The following PDE4D variants were observed in gnomAD, a reference collection of about 807,000 sequenced individuals.
PDE4D encodes 3',5'-cyclic-AMP phosphodiesterase 4D.
PDE4D carries 24 observed loss-of-function variants against 87.4 expected under a neutral mutation model. The observed-to-expected ratio is 0.27, with a 90% confidence interval of 0.20 to 0.39. PDE4D has a LOEUF of 0.39. Among genes scored for constraint, PDE4D ranks in the 10% least tolerant of loss-of-function variants. The pLI, the probability that PDE4D is intolerant of heterozygous loss-of-function variation, is 1.00. For synonymous variants in PDE4D, 384 were observed against 383.2 expected, an observed-to-expected ratio of 1.00 and a Z score of -0.02; for missense variants, 714 against 1,041.0, an observed-to-expected ratio of 0.69 and a Z score of 4.32.
intron 1 of PDE4D, among the ~76,000 whole-genome samples, chr5:59,697,117 G>A (rs1362127723): frequency 6.6e-6 from 1 of 152,128 alleles, no homozygotes. Context: ...TTCCTGATGG[G>A]GAGTAATTTG....
chr5:59,346,599 G>A (rs1163377523), intron 1 of PDE4D, among the ~76,000 whole-genome samples: 3 of 151,978 alleles, frequency 2.0e-5, no homozygotes, highest in Non-Finnish European at 2.9e-5. Context: ...CAGTTTACAC[G>A]GATTTGCTTT....
At chr5:59,717,320 T>G (rs1232178394) in intron 1 of PDE4D, among the ~76,000 whole-genome samples, 7 of 152,156 alleles carry the variant, frequency 4.6e-5, no homozygotes, top group African/African-American at 1.7e-4. Flanking sequence ...ATGCAAATAT[T>G]TCCCTTGCTG....
chr5:59,759,237 T>G (rs1761672836), intron 1 of PDE4D, among the ~76,000 whole-genome samples: 1 of 152,122 alleles, frequency 6.6e-6, no homozygotes, highest in Non-Finnish European at 1.5e-5. Flanking sequence ...AAAGAATATT[T>G]TTTAAAAAAT....
chr5:60,332,917 C>CCTG (rs1757430209), intron 1 of PDE4D, among the ~76,000 whole-genome samples: 1 of 152,186 alleles, frequency 6.6e-6, no homozygotes, highest in Non-Finnish European at 1.5e-5. Flanking sequence ...AATTATAATT[C>CCTG]ATGCTCTGTG....
intron 3 of PDE4D, among the ~76,000 whole-genome samples, chr5:59,931,448 G>A (rs1755907233): frequency 6.6e-6 from 1 of 152,092 alleles, no homozygotes; most frequent in African/African-American, 2.4e-5. Context: ...AGGTCAAGGG[G>A]CTGCATCTGG....
At chr5:59,917,234 G>A (rs1243598840) in intron 3 of PDE4D, among the ~76,000 whole-genome samples, 1 of 152,028 alleles carries the variant, frequency 6.6e-6, no homozygotes, top group Non-Finnish European at 1.5e-5. Flanking sequence ...TGATACTAAT[G>A]AAAACAAAGT....
At chr5:59,992,451 T>C (rs1763113791) in intron 2 of PDE4D, among the ~76,000 whole-genome samples, 1 of 152,192 alleles carries the variant, frequency 6.6e-6, no homozygotes, top group Non-Finnish European at 1.5e-5. Context: ...ATTAGTTCTG[T>C]CCCTCTAGAG....
upstream of PDE4D, among the ~76,000 whole-genome samples, chr5:59,894,346 T>TGTG (rs950152892): frequency 2.6e-5 from 4 of 152,174 alleles, no homozygotes; most frequent in Non-Finnish European, 4.4e-5. Flanking sequence ...AGATAAGGAA[T>TGTG]GTGACCAGGC....
Position 60,423,010 on chromosome 5 carries a change from T to C in PDE4D, c.-90+64932A>G, listed in dbSNP as rs185441899. On this transcript the variant is annotated intron_variant, in intron 1 of 16. Coordinates refer to the PDE4D transcript ENST00000502484. ...AAGATCTAACTAACCTAAATATATA[T>C]GTACCCAATACAGGAGCATCCAGAT... 1.5e-3 allele frequency among the ~76,000 whole-genome samples: 229 copies of C among 152,320 alleles called. 1 individual carries two copies. Among genetic ancestry groups the C allele is most frequent in the African/African-American group, 5.3e-3 (222 of 41,570 alleles).
intron 5 of PDE4D, among the ~76,000 whole-genome samples, chr5:59,169,098 C>T (rs1330069880): frequency 3.9e-5 from 6 of 152,110 alleles, no homozygotes; most frequent in Admixed American, 6.5e-5. Flanking sequence ...AAAGAAACGA[C>T]GCTGTGAGTG....
At chr5:59,145,323 T>G (rs147047137) in intron 5 of PDE4D, among the ~76,000 whole-genome samples, 175 of 152,300 alleles carry the variant, frequency 1.1e-3, no homozygotes, top group African/African-American at 3.8e-3. Context: ...ATGTGTGCTC[T>G]TCCGAATCTT....
intron 5 of PDE4D, among the ~76,000 whole-genome samples, chr5:59,106,488 C>A (rs527990239): frequency 6.6e-6 from 1 of 152,090 alleles, no homozygotes; most frequent in East Asian, 1.9e-4. Flanking sequence ...TTAGGCCGGG[C>A]GTGGTGACTC....
upstream of PDE4D, chr5:60,489,602 G>A (rs553460551): frequency 6.6e-6 from 1 of 152,288 alleles, no homozygotes; most frequent in East Asian, 1.9e-4. Flanking sequence ...AGCCAGGGAA[G>A]AATATTTCTG....
At chr5:59,212,018 T>C (rs1156296239) in intron 2 of PDE4D, among the ~76,000 whole-genome samples, 1 of 152,148 alleles carries the variant, frequency 6.6e-6, no homozygotes, top group Non-Finnish European at 1.5e-5. Context: ...ACTGTTTGTA[T>C]TTGAAATTTC....
chr5:59,464,202 C>T (rs529598294), intron 1 of PDE4D, among the ~76,000 whole-genome samples: 8 of 152,294 alleles, frequency 5.3e-5, no homozygotes, highest in South Asian at 4.1e-4. Context: ...AGCCCGACAC[C>T]CGTAAAGGGT....
At chr5:60,181,878 T>G (rs942461060) in intron 2 of PDE4D, among the ~76,000 whole-genome samples, 17 of 152,152 alleles carry the variant, frequency 1.1e-4, no homozygotes. Flanking sequence ...AATGCTAAAA[T>G]TTTTACTTTA....
chr5:60,200,739 T>A (rs1741802292), intron 1 of PDE4D, among the ~76,000 whole-genome samples: 1 of 152,162 alleles, frequency 6.6e-6, no homozygotes, highest in African/African-American at 2.4e-5. Flanking sequence ...GCCATCAATT[T>A]AGGGAATTTC....
chr5:60,046,948 G>A (rs1318227142), intron 2 of PDE4D, among the ~76,000 whole-genome samples: 1 of 152,174 alleles, frequency 6.6e-6, no homozygotes, highest in Non-Finnish European at 1.5e-5. Context: ...AATGGTACCA[G>A]CTCCTCCTTG....
chr5:59,117,808 T>TA (rs386403892), intron 5 of PDE4D, among the ~76,000 whole-genome samples: 1 of 2,244 alleles, frequency 4.5e-4, no homozygotes, highest in African/African-American at 3.3e-3. Flanking sequence ...GGTTTTTAAC[T>TA]TTTTTTTTTT....
Sources: gnomAD v4.1 joint callset for allele counts (sites outside exome capture counted in the v4.1 genomes callset) on GRCh38, gnomAD v4.1.1 for gene constraint, MANE v1.5 for transcripts, NCBI Gene and HGNC (gene_info 2026-07-23, HGNC 2026-07-21) for gene names.